ACTA2: variants seen among roughly 807,000 people sequenced by gnomAD.
ACTA2 encodes actin alpha 2, smooth muscle.
ACTA2 carries 12 observed loss-of-function variants against 39.5 expected under a neutral mutation model. The observed-to-expected ratio is 0.30, with a 90% CI of 0.19 to 0.49. ACTA2 has a LOEUF of 0.49. Among genes scored for constraint, ACTA2 ranks in the 20% least tolerant of loss-of-function variants. The probability of loss-of-function intolerance (pLI) is 0.99; values close to 1 mark genes in which losing one functional copy is unlikely to be tolerated. For synonymous variants in ACTA2, 158 were observed against 180.6 expected (o/e 0.88, Z 1.00); for missense variants, 236 against 498.8 (o/e 0.47, Z 5.02).
upstream of ACTA2, among the ~76,000 whole-genome samples, chr10:88,957,426 C>T (rs1438365897): frequency 6.6e-6 from 1 of 152,176 alleles, no homozygotes; most frequent in Admixed American, 6.5e-5. Flanking sequence ...GAACAGAGAG[C>T]TTTAAAAGAT....
At chr10:88,960,671 A>G (rs186891331) in intron 1 of ACTA2, among the ~76,000 whole-genome samples, 1 of 152,232 alleles carries the variant, frequency 6.6e-6, no homozygotes, top group Non-Finnish European at 1.5e-5. Context: ...GAGGACCACC[A>G]TGACCCATTG....
At chr10:88,954,283 G>C (rs1426118337), upstream of ACTA2, among the ~76,000 whole-genome samples, 1 of 152,108 alleles carries the variant, frequency 6.6e-6, no homozygotes, top group East Asian at 1.9e-4. Context: ...CTATTGATTA[G>C]AAAATTTTAA....
chr10:88,958,839 G>A (rs149161711), intron 1 of ACTA2, among the ~76,000 whole-genome samples: 5 of 152,176 alleles, frequency 3.3e-5, no homozygotes, highest in East Asian at 1.9e-4. Flanking sequence ...TGTACCCGAC[G>A]GGTTTCCTCG....
At position 88,941,238 on chromosome 10, in the gene ACTA2, C is replaced by G. The variant is rs397516684; in HGVS notation, c.607G>C (p.Val203Leu). 6.2e-7 allele frequency: 1 copy of G among 1,613,906 alleles called. No individual in the cohort carries two copies. The highest frequency in any genetic ancestry group is 1.7e-5 in the Admixed American group (1 of 60,024). Residue 203 changes from valine (V) to leucine (L), a missense_variant, in exon 6 of 9, where the codon GTT becomes CTT. By Grantham distance (32) the Val-to-Leu change is conservative (BLOSUM62 1). Coordinates refer to ENST00000224784, the MANE Select transcript of ACTA2 (RefSeq NM_001613.4). ...KILTERGYSFVTTAEREIVRD... is the reference protein window; with the variant it reads ...KILTERGYSFLTTAEREIVRD... ...CTCCCACAGGCCTCACCAGTAGTAA[C>G]GAAGGAATAGCCACGCTCAGTCAGG...
intron 1 of ACTA2, among the ~76,000 whole-genome samples, chr10:88,967,583 C>T (rs1044885571): frequency 4.6e-5 from 7 of 152,274 alleles, no homozygotes; most frequent in African/African-American, 1.7e-4. Context: ...TTACCTGCAA[C>T]GCAGCTTGGC....
rs1845708218 is a variant in ACTA2 at position 88,935,133 on chromosome 10, G to A, written c.*90C>T. 1.9e-5 allele frequency: 29 copies of A among 1,563,042 alleles called. No individual in the cohort carries two copies. The South Asian group carries it at 3.0e-4, about 16-fold the overall frequency. ...ACATAGGTAACGAGTCAGAGCTTTG[G>A]CTAGGAATGATTTGGAAAAGAACTG... On this transcript the variant is annotated 3_prime_UTR_variant, in exon 9 of 9. Coordinates refer to ENST00000224784, the MANE Select transcript of ACTA2 (RefSeq NM_001613.4).
intron 2 of ACTA2, 89 bp downstream of exon 2, chr10:88,948,713 G>A (rs1490167459): frequency 2.5e-6 from 4 of 1,575,056 alleles, no homozygotes; most frequent in Middle Eastern, 1.8e-4. Context: ...TAACTTCTGG[G>A]CAGAAAGAGA....
chr10:88,976,606 T>G (rs1297553030), intron 1 of ACTA2, among the ~76,000 whole-genome samples: 1 of 152,260 alleles, frequency 6.6e-6, no homozygotes, highest in Non-Finnish European at 1.5e-5. Context: ...AACATATCTC[T>G]AATGTACCCT....
At chr10:88,968,508 A>G (rs1359198917) in intron 1 of ACTA2, among the ~76,000 whole-genome samples, 1 of 152,160 alleles carries the variant, frequency 6.6e-6, no homozygotes, top group East Asian at 1.9e-4. Context: ...GACCTGAAGG[A>G]ATGCAGGCAC....
At chr10:88,956,934 A>T (rs1378433704), upstream of ACTA2, among the ~76,000 whole-genome samples, 1 of 152,190 alleles carries the variant, frequency 6.6e-6, no homozygotes, top group Non-Finnish European at 1.5e-5. Context: ...ACCTGCTCCC[A>T]CAAGTCCTAT....
At chr10:88,958,519 ATCT>A (rs1564651841) in intron 1 of ACTA2, among the ~76,000 whole-genome samples, 1 of 152,182 alleles carries the variant, frequency 6.6e-6, no homozygotes, top group Non-Finnish European at 1.5e-5. Flanking sequence ...ACCCAGACCC[ATCT>A]GACACCAGAA....
chr10:88,965,284 C>T (rs953765346), intron 1 of ACTA2, among the ~76,000 whole-genome samples: 3 of 151,692 alleles, frequency 2.0e-5, no homozygotes, highest in Non-Finnish European at 2.9e-5. Context: ...CCCTGCCCTT[C>T]TACATATAGT....
At chr10:88,966,666 T>C (rs987335287) in intron 1 of ACTA2, among the ~76,000 whole-genome samples, 1 of 152,190 alleles carries the variant, frequency 6.6e-6, no homozygotes, top group Non-Finnish European at 1.5e-5. Context: ...CTACTGGCTG[T>C]CTGTGTTTGG....
intron 1 of ACTA2, chr10:88,973,610 C>A: frequency 4.4e-6 from 1 of 226,888 alleles, no homozygotes; most frequent in Non-Finnish European, 8.5e-6. Flanking sequence ...ATTCATTCTT[C>A]AGATTCAAAA....
chr10:88,949,669 A>G (rs1846015356), intron 1 of ACTA2, among the ~76,000 whole-genome samples: 1 of 152,198 alleles, frequency 6.6e-6, no homozygotes, highest in African/African-American at 2.4e-5. Context: ...CATATGGTAG[A>G]ATACTTTACT....
At chr10:88,944,687 G>A (rs1845915037) in intron 3 of ACTA2, among the ~76,000 whole-genome samples, 1 of 152,116 alleles carries the variant, frequency 6.6e-6, no homozygotes, top group Non-Finnish European at 1.5e-5. Context: ...TGGCCTTCAG[G>A]TGTTTCCAAA....
At chr10:88,972,734 T>C (rs892721405) in intron 1 of ACTA2, among the ~76,000 whole-genome samples, 1 of 152,234 alleles carries the variant, frequency 6.6e-6, no homozygotes, top group African/African-American at 2.4e-5. Context: ...CATCCCATTA[T>C]AATGTATATT....
chr10:88,985,653 C>T (rs1846859170), intron 1 of ACTA2, among the ~76,000 whole-genome samples: 1 of 152,228 alleles, frequency 6.6e-6, no homozygotes, highest in Non-Finnish European at 1.5e-5. Context: ...GTCCCCCACC[C>T]CCATCCCACT....
At position 88,940,159 on chromosome 10, in the gene ACTA2, G is replaced by T. The variant is rs1845821507; in HGVS notation, c.617-461C>A. 3 of 249,640 alleles carry T rather than the reference G, an allele frequency of 1.2e-5. No individual in the cohort carries two copies. In the South Asian group the frequency reaches 1.5e-4, roughly 12 times the overall value. 15.5% of individuals were successfully genotyped at this position (249,640 alleles called of 1,614,324 possible). On this transcript the variant is annotated intron_variant, in intron 6 of 8. Coordinates refer to ENST00000224784, the MANE Select transcript of ACTA2 (RefSeq NM_001613.4). ...TTTTCAAAAAGTCTGAGATCCTGTT[G>T]CCTGGGCCAGTGGATAGCAGGTTAA...
Sources: allele counts gnomAD v4.1 joint callset (sites outside exome capture counted in the v4.1 genomes callset), GRCh38; gene constraint gnomAD v4.1.1; transcripts MANE v1.5; gene names NCBI Gene and HGNC (gene_info 2026-07-23, HGNC 2026-07-21).